GNB4: variants seen among roughly 807,000 people sequenced by gnomAD.
GNB4 encodes the protein guanine nucleotide-binding protein subunit beta-4.
A neutral mutation model predicts 45.2 loss-of-function variants in GNB4; 28 were observed. That is an observed-to-expected ratio of 0.62 (90% confidence interval 0.46 to 0.85). GNB4 has a LOEUF of 0.85. Among genes scored for constraint, GNB4 ranks in the 40% least tolerant of loss-of-function variants. GNB4 has a pLI of 0.00. For missense variants in GNB4, 321 were observed against 425.4 expected, an observed-to-expected ratio of 0.75 and a Z score of 2.16; for synonymous variants, 132 against 143.7, an observed-to-expected ratio of 0.92 and a Z score of 0.58.
chr3:179,429,206 G>A (rs1231354488), intron 1 of GNB4, among the ~76,000 whole-genome samples: 1 of 152,216 alleles, frequency 6.6e-6, no homozygotes, highest in Non-Finnish European at 1.5e-5. Context: ...ATGAGATGAA[G>A]AGCAGAATGG....
At chr3:179,401,942 AAAC>A (rs1186961564) in intron 9 of GNB4, among the ~76,000 whole-genome samples, 2 of 152,250 alleles carry the variant, frequency 1.3e-5, no homozygotes, top group Non-Finnish European at 2.9e-5. Flanking sequence ...TTTTGGAAGA[AAAC>A]AAGAAATACA....
chr3:179,426,357 G>C (rs1715147762), intron 1 of GNB4, 115 bp from the exon 2 acceptor site: 1 of 563,152 alleles, frequency 1.8e-6, no homozygotes. Flanking sequence ...AATGGAGGTA[G>C]TCAATTATTA....
the GNB4 span, among the ~76,000 whole-genome samples, chr3:179,501,440 A>G: frequency 6.6e-6 from 1 of 151,326 alleles, no homozygotes; most frequent in South Asian, 2.1e-4. Flanking sequence ...TTGGGACCAC[A>G]GGCATGTGCC....
At position 179,419,478 on chromosome 3, in the gene GNB4, G is replaced by T; in HGVS notation, c.124C>A (p.Arg42=). Residue 42 remains arginine, a synonymous_variant, in exon 4 of 10, where the codon CGA becomes AGA. Transcript: ENST00000232564. ...GTACGTCTTGTTCGCATTTGTATTC[G>T]ACCCACAGAGTCCATATTTGATGTA... ...QITSNMDSVG[R]IQMRTRRTLR... The T allele has an allele frequency of 6.2e-7, 1 of 1,609,606 alleles. No individual in the cohort carries two copies. Among genetic ancestry groups the T allele is most frequent in the South Asian group, 1.1e-5 (1 of 90,962 alleles).
intron 1 of GNB4, among the ~76,000 whole-genome samples, chr3:179,434,182 T>C (rs1044167847): frequency 1.3e-5 from 2 of 152,172 alleles, no homozygotes; most frequent in African/African-American, 4.8e-5. Flanking sequence ...CATACAGCAC[T>C]ACTTATAATA....
At chr3:179,498,465 C>T in the GNB4 span, among the ~76,000 whole-genome samples, 2 of 152,270 alleles carry the variant, frequency 1.3e-5, no homozygotes, top group East Asian at 3.9e-4. Flanking sequence ...GAGACAGAGT[C>T]TTGCTTTGTT....
chr3:179,427,719 C>A (rs534733272), intron 1 of GNB4, among the ~76,000 whole-genome samples: 6 of 151,546 alleles, frequency 4.0e-5, no homozygotes, highest in African/African-American at 1.5e-4. Context: ...GTAAATAAAG[C>A]AACCTGAAAT....
In GNB4 at chr3:179,401,133, G is replaced by T; in HGVS notation, c.*80C>A. On this transcript the variant is annotated 3_prime_UTR_variant, in exon 10 of 10. Coordinates refer to ENST00000232564, the MANE Select transcript of GNB4 (RefSeq NM_021629.4). ...GAAAAATCTTCACCTGCAAATATAAGGTAGAATTTTTTCACAGCTATAGGC... is the reference window on the plus strand; with the variant it reads ...GAAAAATCTTCACCTGCAAATATAATGTAGAATTTTTTCACAGCTATAGGC... The T allele has an allele frequency of 2.4e-6, 2 of 823,870 alleles. No homozygotes were observed. Among genetic ancestry groups the T allele is most frequent in the Non-Finnish European group, 3.5e-6 (2 of 564,634 alleles). The allele number at this position is 823,870 out of a possible 1,614,324, so 51.0% of individuals were successfully genotyped here. A position where few individuals can be genotyped will look rare whatever the true frequency, so the allele number is the denominator to read the frequency against.
the GNB4 span, among the ~76,000 whole-genome samples, chr3:179,484,834 A>ATGTGTGTGTGTGTG: frequency 1.2e-5 from 1 of 82,010 alleles, no homozygotes; most frequent in African/African-American, 4.7e-5. Context: ...ATAGCTATAT[A>ATGTGTGTGTGTGTG]TATGTGTGTG....
intron 1 of GNB4, among the ~76,000 whole-genome samples, chr3:179,443,100 A>C (rs576073146): frequency 3.9e-4 from 60 of 152,366 alleles, no homozygotes; most frequent in African/African-American, 1.4e-3. Context: ...AATTTCATCC[A>C]ACAAATGTTT....
the GNB4 span, among the ~76,000 whole-genome samples, chr3:179,469,977 T>C: frequency 6.6e-6 from 1 of 152,222 alleles, no homozygotes; most frequent in African/African-American, 2.4e-5. Context: ...GAACTAGATA[T>C]TTCACAGTGA....
At chr3:179,523,190 G>T in the GNB4 span, among the ~76,000 whole-genome samples, 1 of 152,120 alleles carries the variant, frequency 6.6e-6, no homozygotes, top group African/African-American at 2.4e-5. Context: ...TCAGCAGGGA[G>T]AGCACGTGTG....
the GNB4 span, among the ~76,000 whole-genome samples, chr3:179,511,370 T>C: frequency 7.2e-5 from 11 of 152,370 alleles, no homozygotes; most frequent in East Asian, 2.1e-3. Context: ...CAGTAACAAC[T>C]GTATAAGATA....
the GNB4 span, among the ~76,000 whole-genome samples, chr3:179,492,086 G>C: frequency 3.9e-5 from 6 of 152,274 alleles, no homozygotes; most frequent in South Asian, 1.2e-3. Flanking sequence ...TATTTTACCT[G>C]GGCTCTCATC....
At chr3:179,428,687 G>T in intron 1 of GNB4, among the ~76,000 whole-genome samples, 1 of 152,110 alleles carries the variant, frequency 6.6e-6, no homozygotes, top group African/African-American at 2.4e-5. Flanking sequence ...TTACTATTAT[G>T]GTTATTATTT....
At chr3:179,403,457 TC>T (rs1282430696) in intron 9 of GNB4, among the ~76,000 whole-genome samples, 1 of 152,056 alleles carries the variant, frequency 6.6e-6, no homozygotes, top group African/African-American at 2.4e-5. Context: ...TGAGGTTTCC[TC>T]CCAGAAGATA....
chr3:179,511,029 T>C, the GNB4 span, among the ~76,000 whole-genome samples: 1 of 152,120 alleles, frequency 6.6e-6, no homozygotes. Flanking sequence ...ATAAACCCAC[T>C]GCCATGGGAG....
intron 1 of GNB4, among the ~76,000 whole-genome samples, chr3:179,432,408 G>T (rs1402098761): frequency 6.6e-6 from 1 of 152,002 alleles, no homozygotes; most frequent in African/African-American, 2.4e-5. Flanking sequence ...AGATTTTTGG[G>T]TGATCTTTTC....
chr3:179,499,509 G>A, the GNB4 span, among the ~76,000 whole-genome samples: 3 of 152,162 alleles, frequency 2.0e-5, no homozygotes, highest in Non-Finnish European at 4.4e-5. Context: ...CATTTGGGCT[G>A]GTTCTAAGTC....
Sources: allele counts gnomAD v4.1 joint callset (sites outside exome capture counted in the v4.1 genomes callset), GRCh38; gene constraint gnomAD v4.1.1; transcripts MANE v1.5; gene names NCBI Gene and HGNC (gene_info 2026-07-23, HGNC 2026-07-21).